Variants in ERCC5 observed in about 807,000 individuals in gnomAD.
The protein encoded by ERCC5 is ERCC excision repair 5, endonuclease, also known as DNA excision repair protein ERCC-5.
Under a neutral mutation model 105.6 loss-of-function variants are expected in ERCC5, and 68 were observed. That is an observed-to-expected ratio of 0.64 (90% confidence interval 0.53 to 0.79). The LOEUF is 0.79. ERCC5 is among the 30% of genes least tolerant of loss of function. ERCC5 has a pLI of 0.00. For missense variants in ERCC5, 1,373 were observed against 1,426.7 expected (o/e 0.96, Z 0.61); for synonymous variants, 546 against 526.2 (o/e 1.04, Z -0.51).
In ERCC5 at chr13:102,875,326, C is replaced by T. The variant is rs756730021; in HGVS notation, c.2984C>T (p.Ser995Phe). Reference protein sequence around the residue: ...DAQQTQLRIDSFFRLAQQEKE... With the variant: ...DAQQTQLRIDFFFRLAQQEKE... ...TTTTAGACACAGCTCCGAATTGATT[C>T]CTTCTTTAGATTAGCACAACAGGAG... The change falls in exon 15 of 15, where the codon TCC becomes TTC. Residue 995 changes from serine to phenylalanine, a missense_variant. Around this residue, in one of 3 missense-constraint regions of ERCC5, gnomAD observed 367 missense variants for 350.2 expected, o/e 1.05. Transcript: ENST00000652225. 1.2e-6 allele frequency: 2 copies of T among 1,613,736 alleles called. No homozygotes were observed. The highest frequency in any genetic ancestry group is 8.5e-7 in the Non-Finnish European group (1 of 1,179,952).
chr13:102,875,625 G>C lies in ERCC5; in HGVS notation c.3283G>C (p.Glu1095Gln). The change falls in exon 15 of 15, where the codon GAA (glutamate) becomes CAA (glutamine). Residue 1095 changes from glutamate to glutamine, a missense_variant. By Grantham distance (29) the Glu-to-Gln change is conservative. Coordinates refer to ENST00000652225, the MANE Select transcript of ERCC5 (RefSeq NM_000123.4). ...ATTTTTGGGGGAGACCTGCCTCTCAGAATCATCTGATGGATCTTCAAGTGA... is the reference window on the plus strand; with the variant it reads ...ATTTTTGGGGGAGACCTGCCTCTCACAATCATCTGATGGATCTTCAAGTGA... ...GGFLGETCLS[E>Q]SSDGSSSEDA... 6.2e-7 allele frequency: 1 copy of C among 1,613,982 alleles called. No individual in the cohort carries two copies.
rs1427464785 is a variant in ERCC5, at chr13:102,862,960, T to A, written c.1811T>A (p.Val604Glu). ...GCAGTAGATAATGTGGAAAATGTGG[T>A]GTCATTTAATGCTAAAGAGCATGAG... The part of the protein sequence containing the change: ...SEAVDNVENV[V>E]SFNAKEHENF... Residue 604 changes from valine to glutamate, a missense_variant, in exon 8 of 15, where the codon GTG (valine) becomes GAG (glutamate). Coordinates refer to ENST00000652225, the MANE Select transcript of ERCC5 (RefSeq NM_000123.4). 1.2e-6 allele frequency: 2 copies of A among 1,614,080 alleles called. No homozygotes were observed. Among genetic ancestry groups the A allele is most frequent in the African/African-American group, 2.7e-5 (2 of 74,928 alleles).
Position 102,858,190 on chromosome 13 carries a change from A to G in ERCC5, c.529-85A>G, listed in dbSNP as rs1595380431. On this transcript the variant is annotated intron_variant, in intron 5 of 14. Transcript: ENST00000652225. The stretch of plus-strand genomic sequence containing the variant: ...GATTATGTAGAACTGTGTTTATTAT[A>G]TAAACATAATACATATCCTTAATGT... The G allele has an allele frequency of 7.7e-6, 12 of 1,560,486 alleles. 1 individual carries two copies. In the South Asian group the frequency reaches 1.2e-4, roughly 16 times the overall value.
chr13:102,846,442 G>A (rs1030786252), intron 1 of ERCC5, 88 bp downstream of exon 1: 1 of 1,158,256 alleles, frequency 8.6e-7, no homozygotes, highest in African/African-American at 1.5e-5. Flanking sequence ...AGTGGCATCT[G>A]CAGGATGATG....
At chr13:102,866,938 T>C (rs2140532859) in intron 11 of ERCC5, 93 bp downstream of exon 11, 1 of 1,397,718 alleles carries the variant, frequency 7.2e-7, no homozygotes, top group African/African-American at 1.4e-5. Flanking sequence ...GTTTGATGCA[T>C]TGATGGAAAT....
chr13:102,872,414 TAAAAG>T lies in ERCC5; in HGVS notation c.2879+18_2879+22del, dbSNP rs756842153. 5.0e-5 allele frequency: 81 copies of T among 1,613,768 alleles called. 2 individuals are homozygous for T. In the South Asian group the frequency reaches 8.3e-4, roughly 17 times the overall value. On this transcript the variant is annotated intron_variant, in intron 13 of 14. Transcript: ENST00000652225. ...AAATTAGAGAATATCCTTTGCTTCT[TAAAAG>T]AGAAGGAAACACCTTGTCAAATATG...
At chr13:102,849,495 A>G (rs1882115547) in intron 1 of ERCC5, 2 of 508,622 alleles carry the variant, frequency 3.9e-6, no homozygotes, top group African/African-American at 3.9e-5. Context: ...GCTAAATATT[A>G]TAGAAATAAG....
intron 13 of ERCC5, 53 bp from the exon 14 acceptor site, chr13:102,873,206 T>C (rs1883090249): frequency 1.2e-6 from 2 of 1,610,460 alleles, no homozygotes; most frequent in Non-Finnish European, 1.7e-6. Context: ...CCTTTTTATT[T>C]GTCACTTGTT....
rs9514067 is a variant in ERCC5, at chr13:102,875,580, G to T, written c.3238G>T (p.Gly1080Ter). Residue 1080 changes from glycine (G) to a stop codon, truncating the protein, a stop_gained, in exon 15 of 15, where the codon GGA becomes TGA. Transcript: ENST00000652225. LOFTEE classifies it low-confidence loss of function (END_TRUNC). ...AAGAAAGAGGCTTTCAGATTCTAAAGGAAAGAATACATGCGGTGGATTTTT... is the reference window on the plus strand; with the variant it reads ...AAGAAAGAGGCTTTCAGATTCTAAATGAAAGAATACATGCGGTGGATTTTT... ...LKRKRLSDSK[G>*]KNTCGGFLGE... is the part of the protein sequence containing the mutation. The T allele has an allele frequency of 6.3e-5, 101 of 1,613,176 alleles. 1 individual carries two copies. Among genetic ancestry groups the T allele is most frequent in the South Asian group, 5.0e-4 (45 of 90,830 alleles).
intron 1 of ERCC5, chr13:102,849,595 G>C (rs58674794): frequency 2.7e-6 from 1 of 364,458 alleles, no homozygotes; most frequent in African/African-American, 2.1e-5. Context: ...TTTTATGTTA[G>C]TAAAAGTTAG....
chr13:102,861,620 C>T lies in ERCC5; in HGVS notation c.786C>T (p.Ile262=). ...KEMNQQHSGH[I]RRQYEDEGGF... The stretch of plus-strand genomic sequence containing the variant: ...TGAATCAGCAACATTCAGGACACAT[C>T]CGAAGGCAGTATGAAGATGAAGGGG... The change falls in exon 7 of 15, where the codon ATC becomes ATT. Residue 262 remains isoleucine (I), a synonymous_variant. Transcript: ENST00000652225. The T allele has an allele frequency of 6.2e-7, 1 of 1,614,108 alleles. No homozygotes were observed. The highest frequency in any genetic ancestry group is 8.5e-7 in the Non-Finnish European group (1 of 1,180,020).
rs772370684 is a variant in ERCC5, at chr13:102,862,364, T to C, written c.1215T>C (p.Ala405=). 3 of 1,613,950 alleles carry C rather than the reference T, an allele frequency of 1.9e-6. No individual in the cohort carries two copies. The highest frequency in any genetic ancestry group is 2.5e-6 in the Non-Finnish European group (3 of 1,180,014). The change falls in exon 8 of 15, where the codon GCT becomes GCC. Residue 405 remains alanine (A), a synonymous_variant. Transcript: ENST00000652225. ...ATGACGAAGATGTAAAAGTGTGTGC[T>C]GGGGATGATGTGCAGACGGGAGGGC... ...LDDDEDVKVC[A]GDDVQTGGPG...
chr13:102,846,592 T>C (rs1011900545), intron 1 of ERCC5, among the ~76,000 whole-genome samples: 1 of 152,232 alleles, frequency 6.6e-6, no homozygotes, highest in Non-Finnish European at 1.5e-5. Flanking sequence ...AACTCCCTTA[T>C]ATAATGGCGT....
At position 102,865,883 on chromosome 13, in the gene ERCC5, C is replaced by G. The variant is rs764873580; in HGVS notation, c.2171C>G (p.Ser724Trp). 1.2e-6 allele frequency: 2 copies of G among 1,614,156 alleles called. No individual in the cohort carries two copies. Among genetic ancestry groups the G allele is most frequent in the Non-Finnish European group, 8.5e-7 (1 of 1,180,042 alleles). The change falls in exon 9 of 15, where the codon TCG (serine) becomes TGG (tryptophan). Residue 724 changes from serine to tryptophan, a missense_variant. Ser to Trp is a radical substitution (Grantham distance 177, BLOSUM62 -3). Transcript: ENST00000652225. This position sits in a 1 kb window ranked among gnomAD's most constrained non-coding sequence, Gnocchi z 4.0. Reference protein sequence around the residue: ...PQEAEKDAEDSLHEWQDINLE... With the variant: ...PQEAEKDAEDWLHEWQDINLE... ...GAAGCTGAGAAAGATGCGGAAGATTCGCTCCATGAATGGCAAGATATTAAT... is the reference window on the plus strand; with the variant it reads ...GAAGCTGAGAAAGATGCGGAAGATTGGCTCCATGAATGGCAAGATATTAAT...
rs1406728466 is a variant in ERCC5 at position 102,862,122 on chromosome 13, C to T, written c.973C>T (p.Pro325Ser). 1.2e-6 allele frequency: 2 copies of T among 1,614,094 alleles called. No homozygotes were observed. Among genetic ancestry groups the T allele is most frequent in the Non-Finnish European group, 1.7e-6 (2 of 1,180,036 alleles). The change falls in exon 8 of 15, where the codon CCA (proline) becomes TCA (serine). Residue 325 changes from proline (P) to serine (S), a missense_variant. By Grantham distance (74) the Pro-to-Ser change is moderately conservative. Transcript: ENST00000652225. ...HGMSFDVKSS[P>S]CEKLKTEKEP... ...CATGTCTTTTGACGTGAAGTCATCTCCATGTGAAAAACTGAAGACAGAGAA... is the reference window on the plus strand; with the variant it reads ...CATGTCTTTTGACGTGAAGTCATCTTCATGTGAAAAACTGAAGACAGAGAA...
chr13:102,847,476 A>T (rs1882020683), intron 1 of ERCC5, among the ~76,000 whole-genome samples: 1 of 152,102 alleles, frequency 6.6e-6, no homozygotes, highest in Non-Finnish European at 1.5e-5. Flanking sequence ...GCGTTCAGCA[A>T]AGGAATCCCT....
At chr13:102,874,573 G>A (rs753379627) in intron 14 of ERCC5, among the ~76,000 whole-genome samples, 1 of 152,102 alleles carries the variant, frequency 6.6e-6, no homozygotes, top group African/African-American at 2.4e-5. Context: ...CCAGGCTGGA[G>A]TGCAGTGGTG....
In ERCC5 at chr13:102,865,822, A is replaced by G. The variant is rs746887622; in HGVS notation, c.2110A>G (p.Asn704Asp). The change falls in exon 9 of 15, where the codon AAC (asparagine) becomes GAC (aspartate). Residue 704 changes from asparagine to aspartate, a missense_variant. Coordinates refer to ENST00000652225, the MANE Select transcript of ERCC5 (RefSeq NM_000123.4). The surrounding 1 kb of genome is among the most constrained non-coding windows in gnomAD (Gnocchi z 4.0). ...TGAGTCCGAGAGCCTCCTGAGGGAC[A>G]ACTCTGAGAGGGACGACGTGGATGG... ...PAESESLLRD[N>D]SERDDVDGEP... 11 of 1,614,212 alleles carry G rather than the reference A, an allele frequency of 6.8e-6. 1 individual carries two copies. The South Asian group carries it at 1.2e-4, about 18-fold the overall frequency.
At position 102,858,647 on chromosome 13, in the gene ERCC5, T is replaced by C. The variant is rs7321648; in HGVS notation, c.672+229T>C. Among the ~76,000 whole-genome samples the C allele has an allele frequency of 1, 151,958 of 152,260 alleles. 75,829 individuals carry two copies. The highest frequency in any genetic ancestry group is 1 in the Middle Eastern group (294 of 294). ...CTTTTGACCCGAGACTAGGTCTTTTTTCCTGGTCTTTGTTCTCACAGCACC... is the reference window on the plus strand; with the variant it reads ...CTTTTGACCCGAGACTAGGTCTTTTCTCCTGGTCTTTGTTCTCACAGCACC... On this transcript the variant is annotated intron_variant, in intron 6 of 14. Coordinates refer to ENST00000652225, the MANE Select transcript of ERCC5 (RefSeq NM_000123.4).
Sources: gnomAD v4.1 joint callset for allele counts (sites outside exome capture counted in the v4.1 genomes callset) on GRCh38, gnomAD v4.1.1 for gene constraint, gnomAD v4.1.1 regional missense constraint, Gnocchi (gnomAD v3.1) non-coding constraint, MANE v1.5 for transcripts, NCBI Gene and HGNC (gene_info 2026-07-23, HGNC 2026-07-21) for gene names.